ABCB1: variants seen among roughly 807,000 people sequenced by gnomAD.
ABCB1 encodes ATP-dependent translocase ABCB1.
A neutral mutation model predicts 142.0 loss-of-function variants in ABCB1; 69 were observed. The observed-to-expected ratio is 0.49, with a 90% CI of 0.40 to 0.59. ABCB1 has a LOEUF of 0.59. Ranked by LOEUF, ABCB1 falls within the 20% of genes least tolerant of loss-of-function variation. The probability of loss-of-function intolerance (pLI) is 0.00; values close to 1 mark genes in which losing one functional copy is unlikely to be tolerated. For synonymous variants in ABCB1, 532 were observed against 539.2 expected (o/e 0.99, Z 0.18); for missense variants, 1,326 against 1,554.7 (o/e 0.85, Z 2.47).
intron 20 of ABCB1, among the ~76,000 whole-genome samples, chr7:87,535,609 T>C (rs1262911679): frequency 6.6e-6 from 1 of 152,198 alleles, no homozygotes; most frequent in Non-Finnish European, 1.5e-5. Flanking sequence ...TCTGAAACTA[T>C]TCCAAACAAT....
intron 26 of ABCB1, among the ~76,000 whole-genome samples, chr7:87,509,037 T>C (rs1391750417): frequency 6.6e-6 from 1 of 152,152 alleles, no homozygotes; most frequent in Non-Finnish European, 1.5e-5. Context: ...TGTTCCTCTC[T>C]CCTAAACCTG....
rs1483850102 is a variant in ABCB1 at position 87,701,268 on chromosome 7, AAAG to A, written c.-331+11890_-331+11892del. Among the ~76,000 whole-genome samples, 4 of 152,352 alleles carry A rather than the reference AAAG, an allele frequency of 2.6e-5. No homozygotes were observed. The South Asian group carries it at 8.3e-4, about 32-fold the overall frequency. ...GCATTTGACAGATATTTTCTCAAAA[AAAG>A]AAGAAAGAAGTGAGCCTATTACTTC... On this transcript the variant is annotated intron_variant, in intron 1 of 28. Coordinates refer to the ABCB1 transcript ENST00000265724.
At chr7:87,511,587 A>G (rs1038853072) in intron 25 of ABCB1, among the ~76,000 whole-genome samples, 1 of 152,242 alleles carries the variant, frequency 6.6e-6, no homozygotes, top group Non-Finnish European at 1.5e-5. Context: ...CTTCATAGCA[A>G]CACTTATAAG....
At chr7:87,583,751 A>G (rs1818618478) in intron 4 of ABCB1, among the ~76,000 whole-genome samples, 1 of 152,182 alleles carries the variant, frequency 6.6e-6, no homozygotes, top group Non-Finnish European at 1.5e-5. Context: ...GATATAACAA[A>G]ATACATAAAC....
At chr7:87,541,510 C>A in intron 17 of ABCB1, 46 bp from the exon 18 acceptor site, 2 of 1,332,250 alleles carry the variant, frequency 1.5e-6, no homozygotes, top group East Asian at 2.3e-5. Context: ...CAGTGAAGAA[C>A]CCATCCTGGA....
rs773262840 is a variant in ABCB1 at position 87,531,463 on chromosome 7, T to G, written c.2516A>C (p.Asn839Thr). ...IGSRLAVITQNIANLGTGIII... is the reference protein window; with the variant it reads ...IGSRLAVITQTIANLGTGIII... ...TATTCCTGTCCCAAGATTTGCTATA[T>G]TCTGGGTAATTACAGCAAGCCTGGA... The change falls in exon 21 of 28, where the codon AAT becomes ACT. Residue 839 changes from asparagine to threonine, a missense_variant. Physicochemically the swap from Asn to Thr is moderately conservative, Grantham distance 65. Coordinates refer to ENST00000622132, the MANE Select transcript of ABCB1 (RefSeq NM_001348946.2). 6.2e-7 allele frequency: 1 copy of G among 1,613,266 alleles called. No individual in the cohort carries two copies. The highest frequency in any genetic ancestry group is 2.2e-5 in the East Asian group (1 of 44,790).
intron 8 of ABCB1, among the ~76,000 whole-genome samples, chr7:87,554,144 G>A (rs1451706879): frequency 6.6e-6 from 1 of 152,072 alleles, no homozygotes; most frequent in East Asian, 1.9e-4. Flanking sequence ...TTATTTGTGG[G>A]GGAGTCTTCT....
At chr7:87,668,987 C>T (rs190276650) in intron 1 of ABCB1, among the ~76,000 whole-genome samples, 16 of 151,842 alleles carry the variant, frequency 1.1e-4, no homozygotes, top group South Asian at 2.1e-4. Context: ...GAGGTGTATC[C>T]GAGCCTTTTG....
At chr7:87,703,629 A>G (rs1447312342) in intron 1 of ABCB1, among the ~76,000 whole-genome samples, 1 of 152,038 alleles carries the variant, frequency 6.6e-6, no homozygotes, top group African/African-American at 2.4e-5. Context: ...TATTTAAGCC[A>G]GTAAATTTCT....
At chr7:87,700,183 TTGTTAAGACTA>T (rs1828896593) in intron 1 of ABCB1, among the ~76,000 whole-genome samples, 1 of 152,166 alleles carries the variant, frequency 6.6e-6, no homozygotes, top group African/African-American at 2.4e-5. Flanking sequence ...TTTGATTTTA[TTGTTAAGACTA>T]TGATCCAGAC....
intron 1 of ABCB1, among the ~76,000 whole-genome samples, chr7:87,643,242 A>G (rs1205445091): frequency 6.6e-6 from 1 of 152,086 alleles, no homozygotes; most frequent in Non-Finnish European, 1.5e-5. Flanking sequence ...TGATTTTTAC[A>G]TTGCGTAAAA....
intron 1 of ABCB1, among the ~76,000 whole-genome samples, chr7:87,656,023 A>G (rs779781214): frequency 6.6e-6 from 1 of 152,052 alleles, no homozygotes; most frequent in Non-Finnish European, 1.5e-5. Context: ...CTAGACCCCA[A>G]ATCTGATGGT....
At chr7:87,626,300 T>TATATATCTGTC (rs1820517804) in intron 1 of ABCB1, among the ~76,000 whole-genome samples, 3 of 44,068 alleles carry the variant, frequency 6.8e-5, no homozygotes, top group Non-Finnish European at 1.1e-4. Flanking sequence ...ATATGTGTCA[T>TATATATCTGTC]ATATATGTGT....
chr7:87,533,625 G>A (rs371851581), intron 20 of ABCB1, among the ~76,000 whole-genome samples: 3 of 152,244 alleles, frequency 2.0e-5, no homozygotes, highest in Admixed American at 6.5e-5. Flanking sequence ...TATTTCTACA[G>A]AGTAGGAGTC....
At chr7:87,670,916 C>T (rs1825764522) in intron 1 of ABCB1, among the ~76,000 whole-genome samples, 1 of 152,150 alleles carries the variant, frequency 6.6e-6, no homozygotes, top group African/African-American at 2.4e-5. Context: ...TGAATGCTGG[C>T]TGTAGATTGT....
chr7:87,674,816 A>C (rs1043574424), intron 1 of ABCB1, among the ~76,000 whole-genome samples: 4 of 152,138 alleles, frequency 2.6e-5, no homozygotes, highest in African/African-American at 9.7e-5. Context: ...TGCTTAGATC[A>C]GACTGGCTTT....
intron 19 of ABCB1, 36 bp from the exon 20 acceptor site, chr7:87,536,577 T>C: frequency 6.2e-7 from 1 of 1,601,210 alleles, no homozygotes; most frequent in Non-Finnish European, 8.6e-7. Flanking sequence ...ACCTTAAAGC[T>C]GTTTATGAGA....
chr7:87,578,525 C>T (rs1051853813), intron 4 of ABCB1, among the ~76,000 whole-genome samples: 10 of 152,036 alleles, frequency 6.6e-5, no homozygotes, highest in Non-Finnish European at 1.0e-4. Context: ...TTAAAAATAT[C>T]CATTCTTCCA....
At chr7:87,693,185 AT>A (rs1828170978) in intron 1 of ABCB1, among the ~76,000 whole-genome samples, 1 of 152,138 alleles carries the variant, frequency 6.6e-6, no homozygotes, top group South Asian at 2.1e-4. Flanking sequence ...TTTCTGAAAA[AT>A]ATAGCAGAAA....
Sources: gnomAD v4.1 joint callset for allele counts (sites outside exome capture counted in the v4.1 genomes callset) on GRCh38, gnomAD v4.1.1 for gene constraint, MANE v1.5 for transcripts, NCBI Gene and HGNC (gene_info 2026-07-23, HGNC 2026-07-21) for gene names.